The following PLD5 variants were observed in gnomAD, a reference collection of about 807,000 sequenced individuals.
The protein encoded by PLD5 is phospholipase D family member 5, also known as inactive phospholipase D5.
Under a neutral mutation model 61.1 loss-of-function variants are expected in PLD5, and 36 were observed. The observed-to-expected ratio is 0.59, with a 90% CI of 0.45 to 0.78. PLD5 has a LOEUF of 0.78. Ranked by LOEUF, PLD5 falls within the 30% of genes least tolerant of loss-of-function variation. PLD5 has a pLI of 0.00. For missense variants in PLD5, 515 were observed against 644.4 expected (o/e 0.80, Z 2.17); for synonymous variants, 243 against 242.8 (o/e 1.00, Z -0.01).
intron 1 of PLD5, among the ~76,000 whole-genome samples, chr1:242,437,930 A>G (rs902776597): frequency 6.6e-6 from 1 of 152,234 alleles, no homozygotes; most frequent in Admixed American, 6.5e-5. Context: ...TAAGATCCGG[A>G]GTTGTTAAGC....
At chr1:242,454,465 G>A (rs532465457) in intron 1 of PLD5, among the ~76,000 whole-genome samples, 1 of 151,928 alleles carries the variant, frequency 6.6e-6, no homozygotes, top group South Asian at 2.1e-4. Context: ...ATTGATGTTG[G>A]CAGAGGAAAA....
intron 1 of PLD5, among the ~76,000 whole-genome samples, chr1:242,480,147 T>C (rs758194027): frequency 6.6e-5 from 10 of 152,156 alleles, no homozygotes; most frequent in Non-Finnish European, 1.2e-4. Context: ...AATGTGGTAC[T>C]GGCATAAGGA....
intron 1 of PLD5, among the ~76,000 whole-genome samples, chr1:242,413,108 C>T (rs1664643549): frequency 6.6e-6 from 1 of 152,196 alleles, no homozygotes; most frequent in Admixed American, 6.5e-5. Context: ...TCCGCTTACT[C>T]TGCAGGAAGT....
In PLD5 at chr1:242,110,553, T is replaced by C. The variant is rs141232938; in HGVS notation, c.1071-2714A>G. 9.7e-3 allele frequency among the ~76,000 whole-genome samples: 1,471 copies of C among 152,282 alleles called. 29 individuals are homozygous for C. Among genetic ancestry groups the C allele is most frequent in the African/African-American group, 0.034 (1,399 of 41,558 alleles). ...AGCCAGGCGCGGTGGCTCATACCTG[T>C]AATCCTAGTACTTTGGGAGGCTGAG... On this transcript the variant is annotated intron_variant, in intron 7 of 9. Coordinates refer to ENST00000536534, the MANE Select transcript of PLD5 (RefSeq NM_001372062.1).
intron 5 of PLD5, among the ~76,000 whole-genome samples, chr1:242,129,620 TCTGA>T (rs1663074190): frequency 3.3e-5 from 5 of 152,216 alleles, no homozygotes; most frequent in Admixed American, 6.5e-5. Flanking sequence ...AAGCTGAAGG[TCTGA>T]CTGATTTGCT....
intron 5 of PLD5, chr1:242,188,884 A>G (rs1668068855): frequency 6.6e-6 from 1 of 152,214 alleles, no homozygotes; most frequent in South Asian, 2.1e-4. Context: ...CAAACTAACT[A>G]CACTTTTGCG....
rs547528164 is a variant in PLD5 at position 242,257,542 on chromosome 1, C to T, written c.607+7795G>A. ...TGGGCTGATCACTGGCAATAAGGAG[C>T]GATCTACCGTACAACATGGTGATAA... On this transcript the variant is annotated intron_variant, in intron 4 of 9. Transcript: ENST00000536534. 4.6e-5 allele frequency among the ~76,000 whole-genome samples: 7 copies of T among 152,166 alleles called. 1 individual carries two copies. The South Asian group carries it at 6.2e-4, about 14-fold the overall frequency.
chr1:242,492,532 A>G (rs930362821), intron 1 of PLD5, among the ~76,000 whole-genome samples: 17 of 151,994 alleles, frequency 1.1e-4, no homozygotes, highest in African/African-American at 3.1e-4. Flanking sequence ...CAAAAAAAAA[A>G]AAAAGAAAAG....
chr1:242,315,469 T>G (rs1676951755), intron 2 of PLD5, among the ~76,000 whole-genome samples: 2 of 152,202 alleles, frequency 1.3e-5, no homozygotes, highest in East Asian at 1.9e-4. Flanking sequence ...AGAAGAAAAA[T>G]GCCCTTCTAC....
At chr1:242,473,428 A>G (rs901417654) in intron 1 of PLD5, among the ~76,000 whole-genome samples, 2 of 152,220 alleles carry the variant, frequency 1.3e-5, no homozygotes, top group African/African-American at 4.8e-5. Flanking sequence ...TTAATGAGAC[A>G]ATACACAGTA....
At chr1:242,173,479 G>A (rs1382564870) in intron 5 of PLD5, among the ~76,000 whole-genome samples, 2 of 152,118 alleles carry the variant, frequency 1.3e-5, no homozygotes, top group Non-Finnish European at 2.9e-5. Flanking sequence ...TACTGCCCAA[G>A]GTAATTTATA....
intron 5 of PLD5, among the ~76,000 whole-genome samples, chr1:242,130,130 C>T (rs1368554155): frequency 6.6e-6 from 1 of 151,540 alleles, no homozygotes; most frequent in Non-Finnish European, 1.5e-5. Flanking sequence ...TGGCTCACTG[C>T]AACCTCTGCC....
chr1:242,304,726 C>T (rs1043427792), intron 2 of PLD5, among the ~76,000 whole-genome samples: 1 of 152,108 alleles, frequency 6.6e-6, no homozygotes, highest in Non-Finnish European at 1.5e-5. Flanking sequence ...TGATATAAAA[C>T]TTCAGGAAAA....
intron 2 of PLD5, among the ~76,000 whole-genome samples, chr1:242,309,531 G>T (rs573602674): frequency 1.3e-5 from 2 of 151,668 alleles, no homozygotes; most frequent in Non-Finnish European, 2.9e-5. Context: ...ATGCCATCAC[G>T]CCCAGCTAAT....
intron 1 of PLD5, among the ~76,000 whole-genome samples, chr1:242,440,871 G>C (rs948158185): frequency 1.3e-5 from 2 of 152,052 alleles, no homozygotes; most frequent in East Asian, 3.9e-4. Context: ...CTAAAATCAG[G>C]TCATTCACCC....
intron 1 of PLD5, among the ~76,000 whole-genome samples, chr1:242,504,270 T>C (rs558717115): frequency 6.6e-6 from 1 of 152,248 alleles, no homozygotes; most frequent in African/African-American, 2.4e-5. Flanking sequence ...TTCTGGTCCT[T>C]AGAGTTTTGT....
rs1667022287 is a variant in PLD5 at position 242,458,792 on chromosome 1, A to G, written c.189+65296T>C. 2.0e-5 allele frequency among the ~76,000 whole-genome samples: 3 copies of G among 152,228 alleles called. No homozygotes were observed. In the South Asian group the frequency reaches 6.2e-4, roughly 32 times the overall value. ...CTTTAATCAATATCATAGTATTTTA[A>G]TAGTCAGAGCCAGAGACGGTATTTG... On this transcript the variant is annotated intron_variant, in intron 1 of 9. Transcript: ENST00000536534.
In PLD5 at chr1:242,124,511, A is replaced by C. The variant is rs753070481; in HGVS notation, c.890T>G (p.Leu297Trp). 1.2e-6 allele frequency: 2 copies of C among 1,614,030 alleles called. No homozygotes were observed. Among genetic ancestry groups the C allele is most frequent in the South Asian group, 1.1e-5 (1 of 91,070 alleles). ...TTTGGTTTCATTCAACTGAAGTTGC[A>C]ATTTCTTTTCATTGTCATAGACTCC... ...LYGVYDNEKK[L>W]QLQLNETKSQ... Residue 297 changes from leucine to tryptophan, a missense_variant, in exon 6 of 10, where the codon TTG becomes TGG. Leu to Trp is a moderately conservative substitution (Grantham distance 61). This residue lies in a region of PLD5 where 450 missense variants were observed against 598.1 expected (regional missense o/e 0.75). Coordinates refer to ENST00000536534, the MANE Select transcript of PLD5 (RefSeq NM_001372062.1).
chr1:242,361,498 T>C (rs1313490132), intron 1 of PLD5, among the ~76,000 whole-genome samples: 1 of 152,168 alleles, frequency 6.6e-6, no homozygotes, highest in Non-Finnish European at 1.5e-5. Flanking sequence ...TCTGTTTTTA[T>C]TGAATTTAAT....
Sources: gnomAD v4.1 joint callset for allele counts (sites outside exome capture counted in the v4.1 genomes callset) on GRCh38, gnomAD v4.1.1 for gene constraint, gnomAD v4.1.1 regional missense constraint, MANE v1.5 for transcripts, NCBI Gene and HGNC (gene_info 2026-07-23, HGNC 2026-07-21) for gene names.